BICRAL: variants seen among roughly 807,000 people sequenced by gnomAD.
BICRAL encodes the protein BICRA like chromatin remodeling complex associated protein, also known as BRD4-interacting chromatin-remodeling complex-associated protein-like.
In BICRAL, 8 loss-of-function variants were observed where a neutral mutation model predicts 91.8. The observed-to-expected ratio is 0.09, with a 90% confidence interval of 0.05 to 0.16. BICRAL has a LOEUF of 0.16. Among genes scored for constraint, BICRAL ranks in the 10% least tolerant of loss-of-function variants. The probability of loss-of-function intolerance (pLI) is 1.00; values close to 1 mark genes in which losing one functional copy is unlikely to be tolerated. For synonymous variants in BICRAL, 445 were observed against 491.1 expected, an observed-to-expected ratio of 0.91 and a Z score of 1.24; for missense variants, 1,038 against 1,310.9, an observed-to-expected ratio of 0.79 and a Z score of 3.21.
intron 2 of BICRAL, among the ~76,000 whole-genome samples, chr6:42,820,803 T>C (rs776138213): frequency 6.6e-6 from 1 of 152,210 alleles, no homozygotes; most frequent in Non-Finnish European, 1.5e-5. Flanking sequence ...CCCAGATCAT[T>C]CAGCATCTGA....
At chr6:42,798,876 C>A (rs1237292024) in intron 1 of BICRAL, among the ~76,000 whole-genome samples, 1 of 152,186 alleles carries the variant, frequency 6.6e-6, no homozygotes, top group Non-Finnish European at 1.5e-5. Context: ...TTTACAATAT[C>A]TAATACAATG....
chr6:42,796,469 T>C (rs1229481433), intron 1 of BICRAL, among the ~76,000 whole-genome samples: 1 of 152,142 alleles, frequency 6.6e-6, no homozygotes, highest in Admixed American at 6.6e-5. Context: ...TGTAGAACAT[T>C]ACGGGTGTTC....
intron 9 of BICRAL, 39 bp downstream of exon 9, chr6:42,855,956 C>T (rs2114026357): frequency 6.8e-7 from 1 of 1,475,830 alleles, no homozygotes; most frequent in South Asian, 1.1e-5. Flanking sequence ...ATTCTGAACA[C>T]TTCTTTGGGT....
intron 1 of BICRAL, among the ~76,000 whole-genome samples, chr6:42,761,779 T>G (rs998034054): frequency 2.6e-4 from 39 of 151,712 alleles, no homozygotes; most frequent in Non-Finnish European, 4.4e-4. Context: ...CGAGACATGG[T>G]GGCACAGGCC....
At chr6:42,795,771 A>C (rs1763399958) in intron 1 of BICRAL, among the ~76,000 whole-genome samples, 1 of 152,102 alleles carries the variant, frequency 6.6e-6, no homozygotes, top group Non-Finnish European at 1.5e-5. Context: ...TGCTTTCTAG[A>C]ATGTTTCTTT....
intron 6 of BICRAL, among the ~76,000 whole-genome samples, chr6:42,838,820 G>T (rs1413712793): frequency 6.6e-6 from 1 of 152,276 alleles, no homozygotes; most frequent in East Asian, 1.9e-4. Context: ...AATTAGCCGG[G>T]TGTGGTGGTG....
intron 1 of BICRAL, among the ~76,000 whole-genome samples, chr6:42,747,578 A>G (rs938251128): frequency 6.6e-6 from 1 of 152,086 alleles, no homozygotes; most frequent in Non-Finnish European, 1.5e-5. Flanking sequence ...GGGCCAGAGT[A>G]TTTCTCCGCT....
chr6:42,855,713 TA>T, intron 8 of BICRAL, 142 bp from the exon 9 acceptor site: 14 of 626,976 alleles, frequency 2.2e-5, no homozygotes, highest in Middle Eastern at 8.0e-4. Context: ...TTTTTTTTTT[TA>T]TTTTTCAGCA....
At chr6:42,857,637 T>TATATA (rs1554283197) in intron 10 of BICRAL, among the ~76,000 whole-genome samples, 93 of 94,138 alleles carry the variant, frequency 9.9e-4, no homozygotes, top group African/African-American at 3.0e-3. Flanking sequence ...ATATATATAT[T>TATATA]TTTTAGGAGG....
chr6:42,786,134 C>G (rs1375675888), intron 1 of BICRAL, among the ~76,000 whole-genome samples: 2 of 152,204 alleles, frequency 1.3e-5, no homozygotes, highest in East Asian at 3.8e-4. Context: ...TCATTAATTT[C>G]TCTGGATTAA....
upstream of BICRAL, among the ~76,000 whole-genome samples, chr6:42,780,215 TTC>T (rs1215357485): frequency 6.6e-6 from 1 of 152,208 alleles, no homozygotes; most frequent in Non-Finnish European, 1.5e-5. Context: ...TAAAAAGATC[TTC>T]TGTGTTGAAT....
intron 1 of BICRAL, among the ~76,000 whole-genome samples, chr6:42,760,016 G>A (rs945821933): frequency 2.1e-4 from 32 of 152,032 alleles, no homozygotes; most frequent in East Asian, 5.8e-4. Context: ...AGGCCGGGGC[G>A]GGTGGATCAC....
chr6:42,852,171 C>T lies in BICRAL; in HGVS notation c.1919C>T (p.Pro640Leu), dbSNP rs775094156. The T allele has an allele frequency of 2.4e-5, 38 of 1,612,626 alleles. No individual in the cohort carries two copies. ...GACGGCCTGAGGCAAGCACAGATCC[C>T]TGGGCTCTTGAGCACCACACTGCCA... ...TTDGLRQAQI[P>L]GLLSTTLPGQ... The change falls in exon 7 of 13, where the codon CCT (proline) becomes CTT (leucine). Residue 640 changes from proline (P) to leucine (L), a missense_variant. Around this residue, in one of 5 missense-constraint regions of BICRAL, gnomAD observed 532 missense variants for 724.9 expected, o/e 0.73. Transcript: ENST00000314073.
chr6:42,851,628 A>G (rs960839579), intron 6 of BICRAL, among the ~76,000 whole-genome samples: 7 of 152,214 alleles, frequency 4.6e-5, no homozygotes, highest in Non-Finnish European at 1.0e-4. Flanking sequence ...ACTTTATATC[A>G]TCTACACAGC....
chr6:42,788,260 T>C (rs1763161629), intron 1 of BICRAL, among the ~76,000 whole-genome samples: 1 of 148,494 alleles, frequency 6.7e-6, no homozygotes, highest in East Asian at 2.0e-4. Flanking sequence ...GTTTTGCTCT[T>C]GTTGCCCAGG....
At chr6:42,864,627 C>A in intron 12 of BICRAL, 32 bp from the exon 13 acceptor site, 1 of 1,578,070 alleles carries the variant, frequency 6.3e-7, no homozygotes, top group Non-Finnish European at 8.7e-7. Context: ...CTCCCAATCA[C>A]TCACTAATGT....
chr6:42,757,695 C>G (rs1227910613), intron 1 of BICRAL, among the ~76,000 whole-genome samples: 1 of 152,192 alleles, frequency 6.6e-6, no homozygotes. Flanking sequence ...CCTGTTAACT[C>G]TTATGTGGCA....
At chr6:42,756,946 C>T (rs1273791967) in intron 1 of BICRAL, among the ~76,000 whole-genome samples, 1 of 125,828 alleles carries the variant, frequency 7.9e-6, no homozygotes, top group Non-Finnish European at 1.6e-5. Context: ...CCCTCTCTCC[C>T]TCTCTCTTTG....
At chr6:42,826,662 T>C (rs1193603609) in intron 5 of BICRAL, among the ~76,000 whole-genome samples, 1 of 152,166 alleles carries the variant, frequency 6.6e-6, no homozygotes, top group Non-Finnish European at 1.5e-5. Flanking sequence ...TTTCAGTTGC[T>C]TTGTTGTGCT....
Sources: allele counts gnomAD v4.1 joint callset (sites outside exome capture counted in the v4.1 genomes callset), GRCh38; gene constraint gnomAD v4.1.1; regional missense constraint gnomAD v4.1.1; transcripts MANE v1.5; gene names NCBI Gene and HGNC (gene_info 2026-07-23, HGNC 2026-07-21).